NUP153: variants seen among roughly 807,000 people sequenced by gnomAD.
The protein encoded by NUP153 is nuclear pore complex protein Nup153.
NUP153 carries 27 observed loss-of-function variants against 134.6 expected under a neutral mutation model. That is an observed-to-expected ratio of 0.20 (90% CI 0.15 to 0.28). NUP153 has a LOEUF of 0.28. Ranked by LOEUF, NUP153 falls within the 10% of genes least tolerant of loss-of-function variation. The pLI is 1.00. For missense variants in NUP153, 1,821 were observed against 1,731.3 expected, an observed-to-expected ratio of 1.05 and a Z score of -0.92; for synonymous variants, 640 against 623.5, an observed-to-expected ratio of 1.03 and a Z score of -0.40.
At chr6:17,620,095 C>CAAAAAAAA (rs58013807) in intron 20 of NUP153, among the ~76,000 whole-genome samples, 3 of 62,998 alleles carry the variant, frequency 4.8e-5, no homozygotes, top group African/African-American at 1.5e-4. Context: ...AAGACACCAT[C>CAAAAAAAA]AAAAAAAAAA....
At position 17,625,552 on chromosome 6, in the gene NUP153, C is replaced by T. The variant is rs1293056493; in HGVS notation, c.3901+256G>A. 6.6e-6 allele frequency among the ~76,000 whole-genome samples: 1 copy of T among 151,966 alleles called. No homozygotes were observed. The highest frequency in any genetic ancestry group is 2.4e-5 in the African/African-American group (1 of 41,384). On this transcript the variant is annotated intron_variant, in intron 19 of 21. Transcript: ENST00000262077. The surrounding 1 kb of genome is among the most constrained non-coding windows in gnomAD (Gnocchi z 4.7). Reference sequence around the variant, plus strand: ...CTCGAAAGAAAACAAAAACAAAAAACAAAGCTTAGAAAAATTAAGTATTAC... The same window carrying T: ...CTCGAAAGAAAACAAAAACAAAAAATAAAGCTTAGAAAAATTAAGTATTAC...
At chr6:17,694,254 T>C (rs1243623795) in intron 1 of NUP153, among the ~76,000 whole-genome samples, 2 of 152,204 alleles carry the variant, frequency 1.3e-5, no homozygotes, top group African/African-American at 4.8e-5. Flanking sequence ...ATAGTAATGT[T>C]TGCCTTTACC....
At chr6:17,673,433 CATATAA>C (rs1306093690) in intron 5 of NUP153, among the ~76,000 whole-genome samples, 7 of 152,046 alleles carry the variant, frequency 4.6e-5, no homozygotes, top group African/African-American at 1.7e-4. Flanking sequence ...ATTCGCAAAA[CATATAA>C]CAAAGTATTT....
intron 11 of NUP153, among the ~76,000 whole-genome samples, chr6:17,654,896 G>A (rs1334369128): frequency 2.0e-5 from 3 of 152,158 alleles, no homozygotes; most frequent in African/African-American, 4.8e-5. Context: ...CAGCTATTAA[G>A]TGGCAGAAAT....
rs183057025 is a variant in NUP153 at position 17,674,105 on chromosome 6, C to T, written c.852+800G>A. On this transcript the variant is annotated intron_variant, in intron 5 of 21. Transcript: ENST00000262077. ...GTTACATATGACTAAACGTATATGA[C>T]ATTCTGGAAAGGCCAAAACTACAGA... is the stretch of plus-strand genomic sequence containing the variant. 5.9e-5 allele frequency among the ~76,000 whole-genome samples: 9 copies of T among 152,210 alleles called. No individual in the cohort carries two copies. The East Asian group carries it at 1.7e-3, about 29-fold the overall frequency.
intron 16 of NUP153, 54 bp from the exon 17 acceptor site, chr6:17,632,898 T>C (rs1268878204): frequency 7.2e-7 from 1 of 1,384,920 alleles, no homozygotes; most frequent in Non-Finnish European, 9.7e-7. Context: ...AAAATTTTAA[T>C]TTACAGTATG....
At chr6:17,623,805 A>G (rs1352631244) in intron 20 of NUP153, among the ~76,000 whole-genome samples, 3 of 152,218 alleles carry the variant, frequency 2.0e-5, no homozygotes, top group Non-Finnish European at 4.4e-5. Context: ...AAAGCAGGCA[A>G]AACTACATTT....
At chr6:17,701,089 G>C (rs1466395525) in intron 1 of NUP153, among the ~76,000 whole-genome samples, 1 of 152,110 alleles carries the variant, frequency 6.6e-6, no homozygotes, top group Non-Finnish European at 1.5e-5. Flanking sequence ...GCTGGGAGTG[G>C]TGGCGCATGC....
Position 17,690,865 on chromosome 6 carries a change from C to T in NUP153, c.112-2247G>A, listed in dbSNP as rs766516889. Reference sequence around the variant, plus strand: ...CTTACTATGTGAAAAGGTAGCCGGGCGTGGTGGCTCACGCCTGTAATCCCA... The same window carrying T: ...CTTACTATGTGAAAAGGTAGCCGGGTGTGGTGGCTCACGCCTGTAATCCCA... On this transcript the variant is annotated intron_variant, in intron 1 of 21. Coordinates refer to ENST00000262077, the MANE Select transcript of NUP153 (RefSeq NM_005124.4). 2.4e-4 allele frequency among the ~76,000 whole-genome samples: 37 copies of T among 152,024 alleles called. 1 individual carries two copies. The highest frequency in any genetic ancestry group is 4.3e-4 in the Non-Finnish European group (29 of 68,002).
intron 20 of NUP153, among the ~76,000 whole-genome samples, chr6:17,623,359 A>C (rs1040618838): frequency 2.4e-4 from 5 of 20,578 alleles, no homozygotes; most frequent in Admixed American, 9.3e-4. Flanking sequence ...AAAATGGCCA[A>C]AAAAAAAAAA....
chr6:17,665,331 T>A lies in NUP153; in HGVS notation c.1123A>T (p.Ile375Leu). 2 of 1,613,620 alleles carry A rather than the reference T, an allele frequency of 1.2e-6. No individual in the cohort carries two copies. The highest frequency in any genetic ancestry group is 1.7e-6 in the Non-Finnish European group (2 of 1,179,664). ...QRLMTPKPVS[I>L]ATNRSVYFKP... ...AAATAAACACTTCGATTTGTTGCTA[T>A]GGAAACTGGCTTTGGGGTCATAAGT... Residue 375 changes from isoleucine to leucine, a missense_variant, in exon 9 of 22, where the codon ATA becomes TTA. By Grantham distance (5) the Ile-to-Leu change is conservative. Transcript: ENST00000262077.
In NUP153 at chr6:17,680,448, CT is replaced by C. The variant is rs1446367374; in HGVS notation, c.335-4679del. Among the ~76,000 whole-genome samples, 1 of 152,098 alleles carries C rather than the reference CT, an allele frequency of 6.6e-6. No individual in the cohort carries two copies. The highest frequency in any genetic ancestry group is 2.4e-5 in the African/African-American group (1 of 41,414). On this transcript the variant is annotated intron_variant, in intron 2 of 21. Transcript: ENST00000262077. The surrounding 1 kb of genome is among the most constrained non-coding windows in gnomAD (Gnocchi z 4.5). ...ATCTTGAACCATATACAAAAATTAA[CT>C]CTAAATGGATTAAAGACCAAAGTAT... is the stretch of plus-strand genomic sequence containing the variant.
At chr6:17,620,095 C>CAAAAAAAAAAAAAA (rs58013807) in intron 20 of NUP153, among the ~76,000 whole-genome samples, 1 of 63,000 alleles carries the variant, frequency 1.6e-5, no homozygotes, top group Non-Finnish European at 2.8e-5. Flanking sequence ...AAGACACCAT[C>CAAAAAAAAAAAAAA]AAAAAAAAAA....
chr6:17,616,780 C>T (rs771260915), intron 20 of NUP153, 85 bp from the exon 21 acceptor site: 203 of 1,328,040 alleles, frequency 1.5e-4, no homozygotes, highest in South Asian at 2.8e-4. Context: ...GACGGAGTCT[C>T]GCTCTCTTGC....
At chr6:17,659,246 G>C (rs1434657138) in intron 11 of NUP153, among the ~76,000 whole-genome samples, 2 of 152,232 alleles carry the variant, frequency 1.3e-5, no homozygotes. Flanking sequence ...CTTTCCAAGA[G>C]CTTGTCGAAT....
At chr6:17,630,651 A>T (rs1351184086) in intron 17 of NUP153, among the ~76,000 whole-genome samples, 7 of 150,674 alleles carry the variant, frequency 4.6e-5, no homozygotes, top group Non-Finnish European at 1.0e-4. Context: ...CAACAGTGAG[A>T]CTCCACTTCA....
chr6:17,669,032 A>AAG lies in NUP153; in HGVS notation c.1015-5_1015-4insCT. The AAG allele has an allele frequency of 1.6e-6, 1 of 612,574 alleles. No individual in the cohort carries two copies. The highest frequency in any genetic ancestry group is 2.1e-6 in the Non-Finnish European group (1 of 479,190). The allele number at this position is 612,574 out of a possible 1,614,324, so 37.9% of individuals were successfully genotyped here. A position where few individuals can be genotyped will look rare whatever the true frequency, so the allele number is the denominator to read the frequency against. ...CTATCCCACTCCTATCAAGAGGCTG[A>AAG]AAAAAAAAAAAAACACTATTAGAAT... On this transcript the variant is annotated splice_polypyrimidine_tract_variant and splice_region_variant and intron_variant, in intron 7 of 21. Coordinates refer to ENST00000262077, the MANE Select transcript of NUP153 (RefSeq NM_005124.4).
At chr6:17,651,643 G>A (rs897048882) in intron 11 of NUP153, among the ~76,000 whole-genome samples, 1 of 152,148 alleles carries the variant, frequency 6.6e-6, no homozygotes, top group African/African-American at 2.4e-5. Flanking sequence ...ATTCCAGTAA[G>A]AGTGGCTGTA....
At chr6:17,705,928 G>A (rs1245811602) in intron 1 of NUP153, among the ~76,000 whole-genome samples, 1 of 152,102 alleles carries the variant, frequency 6.6e-6, no homozygotes, top group Non-Finnish European at 1.5e-5. Context: ...TCCCTCGAGA[G>A]AACATGAGTA....
Sources: gnomAD v4.1 joint callset for allele counts (sites outside exome capture counted in the v4.1 genomes callset) on GRCh38, gnomAD v4.1.1 for gene constraint, Gnocchi (gnomAD v3.1) non-coding constraint, MANE v1.5 for transcripts, NCBI Gene and HGNC (gene_info 2026-07-23, HGNC 2026-07-21) for gene names.